IHO1: variants seen among roughly 807,000 people sequenced by gnomAD.
The protein encoded by IHO1 is interactor of HORMAD1 1, also known as interactor of HORMAD1 protein 1.
In IHO1, 13 loss-of-function variants were observed where a neutral mutation model predicts 31.0. That is an observed-to-expected ratio of 0.42 (90% CI 0.27 to 0.67). IHO1 has a LOEUF of 0.67. Among genes scored for constraint, IHO1 ranks in the 30% least tolerant of loss-of-function variants. The pLI is 0.24. For synonymous variants in IHO1, 221 were observed against 248.4 expected (o/e 0.89, Z 1.04); for missense variants, 599 against 687.5 (o/e 0.87, Z 1.44).
intron 6 of IHO1, among the ~76,000 whole-genome samples, chr3:49,250,581 CTACTA>C (rs1264181778): frequency 6.6e-6 from 1 of 152,148 alleles, no homozygotes; most frequent in African/African-American, 2.4e-5. Context: ...CATTTGCTCT[CTACTA>C]TAAATATCTA....
At chr3:49,217,085 T>C (rs911935560) in intron 2 of IHO1, among the ~76,000 whole-genome samples, 1 of 152,204 alleles carries the variant, frequency 6.6e-6, no homozygotes, top group Non-Finnish European at 1.5e-5. Context: ...GTGTGGCAAT[T>C]CCTCAAGGAT....
chr3:49,236,698 A>G lies in IHO1; in HGVS notation c.207A>G (p.Lys69=). The change falls in exon 3 of 8, where the codon AAA becomes AAG. Residue 69 remains lysine, a synonymous_variant. Coordinates refer to ENST00000452691, the MANE Select transcript of IHO1 (RefSeq NM_001135197.2). ...TTGGTGCCCACTTGAGACATTCAAA[A>G]CAGTCACAACAGAACTATCTGGAGG... The part of the protein sequence containing the change: ...LDFGAHLRHS[K]QSQQNYLEGE... 6.2e-7 allele frequency: 1 copy of G among 1,613,850 alleles called. No individual in the cohort carries two copies. The highest frequency in any genetic ancestry group is 8.5e-7 in the Non-Finnish European group (1 of 1,179,940).
At chr3:49,206,033 G>A (rs1359224516) in intron 1 of IHO1, among the ~76,000 whole-genome samples, 6 of 151,512 alleles carry the variant, frequency 4.0e-5, no homozygotes, top group Non-Finnish European at 5.9e-5. Context: ...GCGCGATCTC[G>A]GCTCACTGCA....
the IHO1 span, among the ~76,000 whole-genome samples, chr3:49,193,370 C>A: frequency 8.6e-5 from 13 of 150,868 alleles, no homozygotes; most frequent in Non-Finnish European, 1.9e-4. Flanking sequence ...AGACCCCCAT[C>A]TCAAAAACAA....
intron 2 of IHO1, among the ~76,000 whole-genome samples, chr3:49,222,891 C>T (rs2046370949): frequency 6.6e-6 from 1 of 152,072 alleles, no homozygotes; most frequent in Non-Finnish European, 1.5e-5. Context: ...ATCCAAGATT[C>T]CACTCCTGCC....
chr3:49,212,458 G>T (rs1166541653), intron 2 of IHO1, among the ~76,000 whole-genome samples: 1 of 151,396 alleles, frequency 6.6e-6, no homozygotes, highest in African/African-American at 2.4e-5. Flanking sequence ...GGAGCTTGTG[G>T]TGGGCTGAGA....
intron 2 of IHO1, among the ~76,000 whole-genome samples, chr3:49,232,136 G>A (rs749577567): frequency 2.0e-5 from 3 of 152,140 alleles, no homozygotes; most frequent in Non-Finnish European, 2.9e-5. Flanking sequence ...AATGCCCCAG[G>A]CTGTACTAGC....
At chr3:49,206,302 TG>T (rs1421125596) in intron 1 of IHO1, among the ~76,000 whole-genome samples, 1 of 152,008 alleles carries the variant, frequency 6.6e-6, no homozygotes, top group Admixed American at 6.6e-5. Flanking sequence ...TTCACCATAT[TG>T]GTGAGGCTGG....
chr3:49,200,748 TCA>T lies in IHO1; in HGVS notation c.-16+1176_-16+1177del, dbSNP rs1488419428. Among the ~76,000 whole-genome samples the T allele has an allele frequency of 1.1e-4, 16 of 152,150 alleles. No homozygotes were observed. In the East Asian group the frequency reaches 3.1e-3, roughly 29 times the overall value. Reference sequence around the variant, plus strand: ...GGTGAAAGTTTTTAATCTGTGCATTTCAGTTTTCATTTACCTTGGAATGACCG... The same window carrying T: ...GGTGAAAGTTTTTAATCTGTGCATTTGTTTTCATTTACCTTGGAATGACCG... On this transcript the variant is annotated intron_variant, in intron 1 of 7. Coordinates refer to ENST00000452691, the MANE Select transcript of IHO1 (RefSeq NM_001135197.2).
chr3:49,208,702 T>A (rs535454733), intron 1 of IHO1, among the ~76,000 whole-genome samples: 17 of 152,310 alleles, frequency 1.1e-4, no homozygotes, highest in East Asian at 1.9e-4. Context: ...GTGTTTTTTT[T>A]ATCTTTATTC....
intron 4 of IHO1, among the ~76,000 whole-genome samples, chr3:49,241,836 G>A (rs943988791): frequency 1.3e-5 from 2 of 152,014 alleles, no homozygotes; most frequent in Admixed American, 6.6e-5. Flanking sequence ...GGCCAGGCTG[G>A]TCACAAACTC....
In IHO1 at chr3:49,234,432, G is replaced by A. The variant is rs142948547; in HGVS notation, c.57-2116G>A. ...TGAGCTCAGGTAGTCTGCCCACCTC[G>A]GCCTCCCAAAGTGCTAGGATTACAG... is the stretch of plus-strand genomic sequence containing the variant. On this transcript the variant is annotated intron_variant, in intron 2 of 7. Transcript: ENST00000452691. Among the ~76,000 whole-genome samples the A allele has an allele frequency of 5.9e-3, 890 of 151,356 alleles. 9 individuals carry two copies. The highest frequency in any genetic ancestry group is 0.021 in the African/African-American group (847 of 41,224).
chr3:49,251,310 G>A (rs771540403), intron 6 of IHO1, among the ~76,000 whole-genome samples: 27 of 145,022 alleles, frequency 1.9e-4, no homozygotes, highest in Non-Finnish European at 3.7e-4. Context: ...TTTTTGAGGT[G>A]GAGTCTCTCT....
rs144735293 is a variant in IHO1, at chr3:49,229,317, C to T, written c.57-7231C>T. Among the ~76,000 whole-genome samples the T allele has an allele frequency of 2.4e-3, 373 of 152,326 alleles. 1 individual carries two copies. Among genetic ancestry groups the T allele is most frequent in the Non-Finnish European group, 4.2e-3 (285 of 68,030 alleles). ...TGGGGAAACCCCGCAAAAGTTCCAA[C>T]GGGTCTGTGGACCCTTGCCAGCGGT... is the stretch of plus-strand genomic sequence containing the variant. On this transcript the variant is annotated intron_variant, in intron 2 of 7. Transcript: ENST00000452691.
At chr3:49,241,442 A>C in intron 4 of IHO1, 53 bp downstream of exon 4, 2 of 1,495,322 alleles carry the variant, frequency 1.3e-6, no homozygotes, top group Non-Finnish European at 1.8e-6. Flanking sequence ...GAGTAAAACA[A>C]GACATAGAGT....
intron 3 of IHO1, among the ~76,000 whole-genome samples, chr3:49,237,317 A>G (rs1426014501): frequency 6.6e-6 from 1 of 152,176 alleles, no homozygotes; most frequent in African/African-American, 2.4e-5. Context: ...ACTGAACTCT[A>G]TCCTGGGAGA....
chr3:49,217,348 T>C (rs151276732), intron 2 of IHO1, among the ~76,000 whole-genome samples: 1,524 of 152,076 alleles, frequency 0.01, 20 homozygotes, highest in African/African-American at 0.034. Flanking sequence ...GGGACATGGA[T>C]AAAGCTGGAA....
chr3:49,235,783 G>T lies in IHO1; in HGVS notation c.57-765G>T, dbSNP rs2046552258. On this transcript the variant is annotated intron_variant, in intron 2 of 7. Transcript: ENST00000452691. ...CATCTCTATTAAAAATACAAAAATT[G>T]ACCACATGTGGTGGCAGATGCCTGT... Among the ~76,000 whole-genome samples, 3 of 147,702 alleles carry T rather than the reference G, an allele frequency of 2.0e-5. No individual in the cohort carries two copies. In the South Asian group the frequency reaches 6.5e-4, roughly 32 times the overall value.
Position 49,256,715 on chromosome 3 carries a change from T to C in IHO1, c.1218T>C (p.Asn406=). 6.2e-7 allele frequency: 1 copy of C among 1,614,204 alleles called. No individual in the cohort carries two copies. Among genetic ancestry groups the C allele is most frequent in the Non-Finnish European group, 8.5e-7 (1 of 1,180,020 alleles). The change falls in exon 8 of 8, where the codon AAT becomes AAC. Residue 406 remains asparagine (N), a synonymous_variant. Coordinates refer to ENST00000452691, the MANE Select transcript of IHO1 (RefSeq NM_001135197.2). The surrounding 1 kb of genome is among the most constrained non-coding windows in gnomAD (Gnocchi z 4.6). ...LEINFSTSIK[N]ACQKYQAQSM... is the part of the protein sequence containing the mutation. ...TAAACTTTTCAACCAGCATTAAGAA[T>C]GCCTGCCAAAAATATCAAGCCCAAA... is the stretch of plus-strand genomic sequence containing the variant.
Sources: gnomAD v4.1 joint callset for allele counts (sites outside exome capture counted in the v4.1 genomes callset) on GRCh38, gnomAD v4.1.1 for gene constraint, Gnocchi (gnomAD v3.1) non-coding constraint, MANE v1.5 for transcripts, NCBI Gene and HGNC (gene_info 2026-07-23, HGNC 2026-07-21) for gene names.